The following ROBO1 variants were observed in gnomAD, a reference collection of about 807,000 sequenced individuals.
ROBO1 encodes the protein roundabout guidance receptor 1, also known as roundabout homolog 1.
A neutral mutation model predicts 195.9 loss-of-function variants in ROBO1; 149 were observed. The ratio of observed to expected loss-of-function variants is 0.76; its 90% CI spans 0.67 to 0.87. The LOEUF is 0.87. Among genes scored for constraint, ROBO1 ranks in the 40% least tolerant of loss-of-function variants. The pLI is 0.00. For synonymous variants in ROBO1, 816 were observed against 733.2 expected, an observed-to-expected ratio of 1.11 and a Z score of -1.82; for missense variants, 1,933 against 2,068.3, an observed-to-expected ratio of 0.93 and a Z score of 1.27.
chr3:79,650,241 A>G (rs1945963358), intron 1 of ROBO1, among the ~76,000 whole-genome samples: 1 of 151,854 alleles, frequency 6.6e-6, no homozygotes, highest in African/African-American at 2.4e-5. Context: ...TCAGATTAGT[A>G]AAACAGTAAA....
intron 2 of ROBO1, among the ~76,000 whole-genome samples, chr3:79,535,865 A>T (rs950825089): frequency 1.3e-5 from 2 of 152,050 alleles, no homozygotes; most frequent in African/African-American, 4.8e-5. Flanking sequence ...TACCAATATG[A>T]GGATTTTCTT....
At chr3:78,939,423 G>C (rs2040005235) in intron 3 of ROBO1, among the ~76,000 whole-genome samples, 1 of 150,624 alleles carries the variant, frequency 6.6e-6, no homozygotes, top group South Asian at 2.1e-4. Flanking sequence ...GACCATCCTG[G>C]CTAACAAGGT....
chr3:78,727,579 C>T lies in ROBO1; in HGVS notation c.658-9696G>A, dbSNP rs551023078. Reference sequence around the variant, plus strand: ...GGCGGAGCTTGCAGTGAGCCGAGATCGAACCACTGTACTCCAGCCTGGGCG... The same window carrying T: ...GGCGGAGCTTGCAGTGAGCCGAGATTGAACCACTGTACTCCAGCCTGGGCG... On this transcript the variant is annotated intron_variant, in intron 5 of 30. Transcript: ENST00000464233. Among the ~76,000 whole-genome samples, 19 of 152,236 alleles carry T rather than the reference C, an allele frequency of 1.2e-4. No individual in the cohort carries two copies. In the South Asian group the frequency reaches 3.3e-3, roughly 27 times the overall value.
chr3:79,743,106 G>T (rs769224604), intron 1 of ROBO1, among the ~76,000 whole-genome samples: 1 of 152,170 alleles, frequency 6.6e-6, no homozygotes, highest in African/African-American at 2.4e-5. Flanking sequence ...CAGTGATCAT[G>T]TATCAGTTAA....
At chr3:78,666,959 C>G (rs1010999109) in intron 14 of ROBO1, among the ~76,000 whole-genome samples, 1 of 151,582 alleles carries the variant, frequency 6.6e-6, no homozygotes, top group Admixed American at 6.6e-5. Context: ...TTTTATAGTT[C>G]GAATCACTCC....
intron 3 of ROBO1, among the ~76,000 whole-genome samples, chr3:78,968,777 C>G (rs1428316934): frequency 1.3e-5 from 2 of 152,114 alleles, no homozygotes; most frequent in Non-Finnish European, 2.9e-5. Context: ...TCCTTCTTGG[C>G]TGACAAATAG....
intron 2 of ROBO1, among the ~76,000 whole-genome samples, chr3:79,323,931 C>T (rs1384312790): frequency 6.6e-6 from 1 of 152,140 alleles, no homozygotes; most frequent in Non-Finnish European, 1.5e-5. Context: ...TAAGCATTTG[C>T]TCAACTACCA....
intron 2 of ROBO1, among the ~76,000 whole-genome samples, chr3:79,300,690 G>C (rs1266615125): frequency 6.6e-6 from 1 of 152,208 alleles, no homozygotes; most frequent in African/African-American, 2.4e-5. Flanking sequence ...TGAGTCTGGT[G>C]GGGAGGTGGA....
intron 4 of ROBO1, among the ~76,000 whole-genome samples, chr3:78,827,563 G>A (rs1336644136): frequency 1.3e-5 from 2 of 151,814 alleles, no homozygotes; most frequent in Admixed American, 1.3e-4. Context: ...GAAAAAGAAT[G>A]TGTTGTGTGT....
chr3:79,422,108 T>G (rs952249645), intron 2 of ROBO1, among the ~76,000 whole-genome samples: 15 of 148,262 alleles, frequency 1.0e-4, no homozygotes, highest in African/African-American at 3.7e-4. Context: ...ATATTTTTGA[T>G]TATATATTTT....
intron 2 of ROBO1, among the ~76,000 whole-genome samples, chr3:79,144,965 A>AGT (rs1049365027): frequency 3.3e-5 from 5 of 152,004 alleles, no homozygotes; most frequent in Non-Finnish European, 7.4e-5. Flanking sequence ...GTTCTACTCT[A>AGT]GTGTACAACT....
chr3:79,247,422 C>T (rs2082645571), intron 2 of ROBO1, among the ~76,000 whole-genome samples: 2 of 151,192 alleles, frequency 1.3e-5, no homozygotes, highest in African/African-American at 4.9e-5. Flanking sequence ...AAGGAAAAGT[C>T]CATTTATTTG....
intron 2 of ROBO1, among the ~76,000 whole-genome samples, chr3:79,578,389 G>A (rs1467716980): frequency 5.9e-5 from 9 of 152,130 alleles, no homozygotes; most frequent in Admixed American, 5.9e-4. Context: ...CAACATATTA[G>A]TCAGTTGCTG....
intron 1 of ROBO1, among the ~76,000 whole-genome samples, chr3:79,765,363 C>A (rs1411887753): frequency 6.6e-6 from 1 of 152,176 alleles, no homozygotes; most frequent in Non-Finnish European, 1.5e-5. Flanking sequence ...CTGCTCCGAG[C>A]TGCTGCTGCT....
chr3:78,887,823 C>T (rs1228494269), intron 4 of ROBO1, among the ~76,000 whole-genome samples: 2 of 152,048 alleles, frequency 1.3e-5, no homozygotes, highest in Admixed American at 1.3e-4. Context: ...AAGTCAAATC[C>T]TAAATAAAGT....
intron 1 of ROBO1, among the ~76,000 whole-genome samples, chr3:79,629,983 G>A (rs934870029): frequency 6.6e-6 from 1 of 151,790 alleles, no homozygotes; most frequent in Non-Finnish European, 1.5e-5. Context: ...TAATAAAATT[G>A]AATCAGTAAT....
intron 4 of ROBO1, among the ~76,000 whole-genome samples, chr3:78,824,056 A>C (rs1254310937): frequency 6.6e-6 from 1 of 152,190 alleles, no homozygotes; most frequent in Non-Finnish European, 1.5e-5. Context: ...GCATCACACT[A>C]GTTTCTCAAG....
At chr3:79,112,015 G>A (rs181037767) in intron 3 of ROBO1, among the ~76,000 whole-genome samples, 2 of 152,126 alleles carry the variant, frequency 1.3e-5, no homozygotes, top group Admixed American at 6.5e-5. Flanking sequence ...AATACCTTTT[G>A]TATTGATTAC....
intron 2 of ROBO1, among the ~76,000 whole-genome samples, chr3:79,313,048 G>T (rs548548781): frequency 1.3e-5 from 2 of 151,804 alleles, no homozygotes; most frequent in East Asian, 3.9e-4. Flanking sequence ...TTAGCAGGGG[G>T]CGGTGGTGGG....
Sources: gnomAD v4.1 joint callset for allele counts (sites outside exome capture counted in the v4.1 genomes callset) on GRCh38, gnomAD v4.1.1 for gene constraint, MANE v1.5 for transcripts, NCBI Gene and HGNC (gene_info 2026-07-23, HGNC 2026-07-21) for gene names.